ITPRID2: variants seen among roughly 807,000 people sequenced by gnomAD.
The protein encoded by ITPRID2 is ITPR interacting domain containing 2.
Under a neutral mutation model 124.3 loss-of-function variants are expected in ITPRID2, and 60 were observed. The ratio of observed to expected loss-of-function variants is 0.48; its 90% CI spans 0.39 to 0.60. The LOEUF (loss-of-function observed/expected upper bound fraction) is 0.60, where lower values mean the gene tolerates loss of function less well. ITPRID2 is among the 20% of genes least tolerant of loss of function. The pLI is 0.00. For missense variants in ITPRID2, 1,553 were observed against 1,512.2 expected, an observed-to-expected ratio of 1.03 and a Z score of -0.45; for synonymous variants, 521 against 542.9, an observed-to-expected ratio of 0.96 and a Z score of 0.56.
Position 181,919,212 on chromosome 2 carries a change from G to C in ITPRID2, c.2994-84G>C. 6.8e-7 allele frequency: 1 copy of C among 1,478,218 alleles called. No individual in the cohort carries two copies. The highest frequency in any genetic ancestry group is 9.3e-7 in the Non-Finnish European group (1 of 1,073,626). The allele number at this position is 1,478,218 out of a possible 1,614,324, so 91.6% of individuals were successfully genotyped here. A position where few individuals can be genotyped will look rare whatever the true frequency, so the allele number is the denominator to read the frequency against. On this transcript the variant is annotated intron_variant, in intron 13 of 17. Transcript: ENST00000431877. The surrounding 1 kb of genome is among the most constrained non-coding windows in gnomAD (Gnocchi z 4.2). ...CCTGAGATTTCCATGCCTTCTGTTAGCATATAGTAGTTGTTGAAAGATTTG... is the reference window on the plus strand; with the variant it reads ...CCTGAGATTTCCATGCCTTCTGTTACCATATAGTAGTTGTTGAAAGATTTG...
rs1024078327 is a variant in ITPRID2, at chr2:181,907,403, C to G, written c.1414-2496C>G. On this transcript the variant is annotated intron_variant, in intron 8 of 17. Transcript: ENST00000431877. The surrounding 1 kb of genome is among the most constrained non-coding windows in gnomAD (Gnocchi z 5.1). ...TAAAGCTGTTTTTCATCTTTGAATC[C>G]CAAAACATTGAGACCATGCAATTTT... Among the ~76,000 whole-genome samples, 1 of 150,724 alleles carries G rather than the reference C, an allele frequency of 6.6e-6. No individual in the cohort carries two copies. The highest frequency in any genetic ancestry group is 2.4e-5 in the African/African-American group (1 of 41,116).
At chr2:181,909,401 G>C (rs974373017) in intron 8 of ITPRID2, among the ~76,000 whole-genome samples, 2 of 152,194 alleles carry the variant, frequency 1.3e-5, no homozygotes, top group African/African-American at 4.8e-5. Flanking sequence ...ATAATGTGCT[G>C]TAGTGAGTGT....
rs147488067 is a variant in ITPRID2 at position 181,916,057 on chromosome 2, C to G, written c.2417C>G (p.Ser806Cys). The G allele has an allele frequency of 4.8e-4, 777 of 1,614,196 alleles. 1 individual carries two copies. The highest frequency in any genetic ancestry group is 1.5e-3 in the Admixed American group (92 of 60,022). Residue 806 changes from serine (S) to cysteine (C), a missense_variant, in exon 11 of 18, where the codon TCT becomes TGT. Ser to Cys is a moderately radical substitution (Grantham distance 112, BLOSUM62 -1). Coordinates refer to ENST00000431877, the MANE Select transcript of ITPRID2 (RefSeq NM_001130445.3). ...TCGACCATTTTCATCTCTCCATCAT[C>G]TGTGAAGAAAGAAGAAGCCCCCCAG... is the stretch of plus-strand genomic sequence containing the variant. ...VKSTIFISPS[S>C]VKKEEAPQSE...
intron 16 of ITPRID2, among the ~76,000 whole-genome samples, chr2:181,926,345 G>A (rs76035741): frequency 0.061 from 9,254 of 152,128 alleles, 447 homozygotes; most frequent in African/African-American, 0.12. Flanking sequence ...TTGATGGTAG[G>A]GATTCTTTTA....
At chr2:181,926,536 A>G (rs919004182) in intron 16 of ITPRID2, among the ~76,000 whole-genome samples, 3 of 151,928 alleles carry the variant, frequency 2.0e-5, no homozygotes, top group African/African-American at 7.3e-5. Context: ...ACATGGTGAA[A>G]CCCCGTCTCT....
chr2:181,896,698 G>C lies in ITPRID2; in HGVS notation c.308-210G>C, dbSNP rs183972997. ...ATAGGTTGGCTTCTGAGAACTTTATGTTGCTGGAAAAGTGGTTTCTTTACG... is the reference window on the plus strand; with the variant it reads ...ATAGGTTGGCTTCTGAGAACTTTATCTTGCTGGAAAAGTGGTTTCTTTACG... On this transcript the variant is annotated intron_variant, in intron 3 of 17. Coordinates refer to ENST00000431877, the MANE Select transcript of ITPRID2 (RefSeq NM_001130445.3). The surrounding 1 kb of genome is among the most constrained non-coding windows in gnomAD (Gnocchi z 4.3). 1.1e-4 allele frequency among the ~76,000 whole-genome samples: 17 copies of C among 152,076 alleles called. No homozygotes were observed. The East Asian group carries it at 3.3e-3, about 29-fold the overall frequency.
At chr2:181,903,998 A>G (rs549094312) in intron 8 of ITPRID2, among the ~76,000 whole-genome samples, 1 of 152,298 alleles carries the variant, frequency 6.6e-6, no homozygotes, top group South Asian at 2.1e-4. Flanking sequence ...GTAATTGCAA[A>G]TCTGATATTG....
chr2:181,897,614 G>A (rs995451952), intron 4 of ITPRID2, among the ~76,000 whole-genome samples: 2 of 149,990 alleles, frequency 1.3e-5, no homozygotes, highest in African/African-American at 2.5e-5. Context: ...TATTTTACTG[G>A]TGTTTTAAAA....
At chr2:181,908,538 T>G (rs2125083732) in intron 8 of ITPRID2, among the ~76,000 whole-genome samples, 2 of 152,342 alleles carry the variant, frequency 1.3e-5, no homozygotes, top group South Asian at 4.1e-4. Context: ...CTTTGAAGAA[T>G]TATTCTAATT....
Position 181,915,853 on chromosome 2 carries a change from A to G in ITPRID2, c.2213A>G (p.Gln738Arg), listed in dbSNP as rs138666546. 5.0e-6 allele frequency: 8 copies of G among 1,614,118 alleles called. No individual in the cohort carries two copies. In the African/African-American group the frequency reaches 1.1e-4, roughly 22 times the overall value. Residue 738 changes from glutamine (Q) to arginine (R), a missense_variant, in exon 11 of 18, where the codon CAG becomes CGG. Physicochemically the swap from Gln to Arg is conservative, Grantham distance 43. Coordinates refer to ENST00000431877, the MANE Select transcript of ITPRID2 (RefSeq NM_001130445.3). ...GCTGGCTATCCTCTAAGAAGGTCTC[A>G]GTCTTTACCAACCACCTTATTGAGC... ...AKAGYPLRRS[Q>R]SLPTTLLSPV...
In ITPRID2 at chr2:181,915,715, A is replaced by G. The variant is rs1367679766; in HGVS notation, c.2075A>G (p.Asn692Ser). The change falls in exon 11 of 18, where the codon AAT becomes AGT. Residue 692 changes from asparagine to serine, a missense_variant. Transcript: ENST00000431877. ...TGPPSSMDRVNTALQRAQMKV... is the reference protein window; with the variant it reads ...TGPPSSMDRVSTALQRAQMKV... The stretch of plus-strand genomic sequence containing the variant: ...CCTCCCTCTTCCATGGACAGAGTTA[A>G]TACAGCTTTGCAAAGAGCTCAAATG... 1 of 1,614,136 alleles carries G rather than the reference A, an allele frequency of 6.2e-7. No individual in the cohort carries two copies. The highest frequency in any genetic ancestry group is 8.5e-7 in the Non-Finnish European group (1 of 1,180,044).
intron 2 of ITPRID2, chr2:181,893,973 AGTT>A (rs1691976302): frequency 1.3e-5 from 2 of 152,196 alleles, no homozygotes; most frequent in South Asian, 4.1e-4. Context: ...GTGTTTGAGA[AGTT>A]GTTTTGTAAC....
chr2:181,892,033 G>C lies in ITPRID2; in HGVS notation c.-34G>C. On this transcript the variant is annotated 5_prime_UTR_variant, in exon 1 of 18. Coordinates refer to ENST00000431877, the MANE Select transcript of ITPRID2 (RefSeq NM_001130445.3). This position sits in a 1 kb window ranked among gnomAD's most constrained non-coding sequence, Gnocchi z 5.2. ...CTGCCGCCGCCTTGTCTCGCGCAGG[G>C]TCCGGCTGGGGTAGCGGAGCCCCCA... 1.3e-6 allele frequency: 2 copies of C among 1,544,646 alleles called. No homozygotes were observed. The highest frequency in any genetic ancestry group is 1.7e-6 in the Non-Finnish European group (2 of 1,144,696).
chr2:181,926,264 A>C (rs1694840639), intron 16 of ITPRID2, among the ~76,000 whole-genome samples: 1 of 152,182 alleles, frequency 6.6e-6, no homozygotes, highest in Non-Finnish European at 1.5e-5. Context: ...ACTCTGTCAC[A>C]AAAATAAATA....
rs1330692858 is a variant in ITPRID2, at chr2:181,919,887, T to C, written c.3144+441T>C. Reference sequence around the variant, plus strand: ...ATTTTGGATTCTTTTCCATTTGTTTTTAAAGGAATCAAATGATACCTGTAT... The same window carrying C: ...ATTTTGGATTCTTTTCCATTTGTTTCTAAAGGAATCAAATGATACCTGTAT... On this transcript the variant is annotated intron_variant, in intron 14 of 17. Transcript: ENST00000431877. This position sits in a 1 kb window ranked among gnomAD's most constrained non-coding sequence, Gnocchi z 4.2. Among the ~76,000 whole-genome samples the C allele has an allele frequency of 1.3e-5, 2 of 152,050 alleles. No homozygotes were observed. The highest frequency in any genetic ancestry group is 2.9e-5 in the Non-Finnish European group (2 of 67,994).
chr2:181,906,604 G>C (rs1186085891), intron 8 of ITPRID2, among the ~76,000 whole-genome samples: 2 of 152,164 alleles, frequency 1.3e-5, no homozygotes, highest in East Asian at 3.9e-4. Context: ...GCCGTGCATG[G>C]TGGTGCATGT....
rs1691851145 is a variant in ITPRID2 at position 181,892,728 on chromosome 2, A to G, written c.257+68A>G. 1.9e-6 allele frequency: 3 copies of G among 1,589,668 alleles called. No individual in the cohort carries two copies. Among genetic ancestry groups the G allele is most frequent in the Admixed American group, 1.7e-5 (1 of 59,634 alleles). ...GCGGACGGGACGCCGGAGCAGAGCC[A>G]CTCGGGCCGCGTCCCTGTGGGTCCC... On this transcript the variant is annotated intron_variant, in intron 2 of 17. Coordinates refer to ENST00000431877, the MANE Select transcript of ITPRID2 (RefSeq NM_001130445.3). The surrounding 1 kb of genome is among the most constrained non-coding windows in gnomAD (Gnocchi z 5.2).
chr2:181,896,013 C>T lies in ITPRID2; in HGVS notation c.258-17C>T, dbSNP rs562071452. 27 of 1,610,996 alleles carry T rather than the reference C, an allele frequency of 1.7e-5. No individual in the cohort carries two copies. In the East Asian group the frequency reaches 3.1e-4, roughly 19 times the overall value. On this transcript the variant is annotated splice_polypyrimidine_tract_variant and intron_variant, in intron 2 of 17. Transcript: ENST00000431877. This position sits in a 1 kb window ranked among gnomAD's most constrained non-coding sequence, Gnocchi z 4.3. ...GCCTTTCACAAGACTAAGGCTTATA[C>T]GTTTATATGGTTTCAGTACACCTTT...
Position 181,896,736 on chromosome 2 carries a change from C to T in ITPRID2, c.308-172C>T, listed in dbSNP as rs1017851990. Among the ~76,000 whole-genome samples the T allele has an allele frequency of 6.6e-6, 1 of 151,946 alleles. No individual in the cohort carries two copies. Among genetic ancestry groups the T allele is most frequent in the Non-Finnish European group, 1.5e-5 (1 of 67,832 alleles). ...TGGTTTCTTTACGTTAAAGTAAAAG[C>T]TTATACCTGCTTCTTGAAGTTATAT... is the stretch of plus-strand genomic sequence containing the variant. On this transcript the variant is annotated intron_variant, in intron 3 of 17. Transcript: ENST00000431877. This position sits in a 1 kb window ranked among gnomAD's most constrained non-coding sequence, Gnocchi z 4.3.
Sources: gnomAD v4.1 joint callset for allele counts (sites outside exome capture counted in the v4.1 genomes callset) on GRCh38, gnomAD v4.1.1 for gene constraint, Gnocchi (gnomAD v3.1) non-coding constraint, MANE v1.5 for transcripts, NCBI Gene and HGNC (gene_info 2026-07-23, HGNC 2026-07-21) for gene names.